Variants in RYR2 observed in about 807,000 individuals in gnomAD.
RYR2 encodes ryanodine receptor 2.
Under a neutral mutation model 601.1 loss-of-function variants are expected in RYR2, and 227 were observed. That is an observed-to-expected ratio of 0.38 (90% CI 0.34 to 0.42). RYR2 has a LOEUF of 0.42. Among genes scored for constraint, RYR2 ranks in the 10% least tolerant of loss-of-function variants. RYR2 has a pLI of 1.00. For synonymous variants in RYR2, 2,223 were observed against 2,175.1 expected, an observed-to-expected ratio of 1.02 and a Z score of -0.61; for missense variants, 4,646 against 6,156.5, an observed-to-expected ratio of 0.75 and a Z score of 8.21.
chr1:237,135,927 C>T (rs1436135437), intron 1 of RYR2, among the ~76,000 whole-genome samples: 1 of 152,220 alleles, frequency 6.6e-6, no homozygotes, highest in Non-Finnish European at 1.5e-5. Flanking sequence ...CTCTGCTTGG[C>T]CATGGGGCCC....
At chr1:237,671,508 T>TGTGTGTGTGTGC (rs1684930589) in intron 58 of RYR2, among the ~76,000 whole-genome samples, 1 of 150,858 alleles carries the variant, frequency 6.6e-6, no homozygotes, top group Non-Finnish European at 1.5e-5. Context: ...CCTGGGTGTG[T>TGTGTGTGTGTGC]GTGTGTGTGT....
In RYR2 at chr1:237,369,560, A is replaced by G. The variant is rs536426427; in HGVS notation, c.336A>G (p.Thr112=). The change falls in exon 6 of 105, where the codon ACA becomes ACG. Residue 112 remains threonine, a synonymous_variant. Transcript: ENST00000366574. ...MKTAQGGGHR[T]LLYGHAILLR... ...CTGCTCAAGGTGGTGGTCATCGAAC[A>G]CTCCTCTACGGACATGCCATATTGC... 10 of 1,563,940 alleles carry G rather than the reference A, an allele frequency of 6.4e-6. No homozygotes were observed. Among genetic ancestry groups the G allele is most frequent in the East Asian group, 2.3e-5 (1 of 42,602 alleles).
chr1:237,464,975 A>G (rs896358569), intron 16 of RYR2, among the ~76,000 whole-genome samples: 6 of 152,138 alleles, frequency 3.9e-5, no homozygotes, highest in African/African-American at 1.2e-4. Flanking sequence ...ATTACTTTAG[A>G]AACTCACATA....
rs998118325 is a variant in RYR2 at position 237,331,563 on chromosome 1, C to T, written c.273+581C>T. On this transcript the variant is annotated intron_variant, in intron 3 of 104. Transcript: ENST00000366574. ...TGTCACCCAGGCTGGAGTGCAGTGGCGCGATCTCAGCTCACTGCAAGCTCT... is the reference window on the plus strand; with the variant it reads ...TGTCACCCAGGCTGGAGTGCAGTGGTGCGATCTCAGCTCACTGCAAGCTCT... Among the ~76,000 whole-genome samples, 19 of 151,976 alleles carry T rather than the reference C, an allele frequency of 1.3e-4. 1 individual carries two copies. In the East Asian group the frequency reaches 1.7e-3, roughly 14 times the overall value.
At chr1:237,801,541 C>CGAA (rs747389136) in intron 97 of RYR2, among the ~76,000 whole-genome samples, 1 of 106,396 alleles carries the variant, frequency 9.4e-6, no homozygotes, top group African/African-American at 3.5e-5. Context: ...AACTCTGTCT[C>CGAA]AAAAAAAAAA....
chr1:237,792,626 G>C (rs1658595064), intron 94 of RYR2, among the ~76,000 whole-genome samples: 1 of 152,120 alleles, frequency 6.6e-6, no homozygotes, highest in African/African-American at 2.4e-5. Flanking sequence ...TCCTGGCCTG[G>C]GGCATTGGAG....
intron 80 of RYR2, among the ~76,000 whole-genome samples, chr1:237,746,646 T>C (rs1203826734): frequency 6.6e-6 from 1 of 152,162 alleles, no homozygotes; most frequent in Admixed American, 6.5e-5. Context: ...TGCTTTCCTG[T>C]AACTACTTAT....
At chr1:237,530,736 C>T (rs375997105) in intron 25 of RYR2, among the ~76,000 whole-genome samples, 1 of 151,976 alleles carries the variant, frequency 6.6e-6, no homozygotes, top group African/African-American at 2.4e-5. Flanking sequence ...ATGGTGAAAC[C>T]CTGTCTCCAT....
In RYR2 at chr1:237,744,767, G is replaced by A. The variant is rs185462161; in HGVS notation, c.11145+2418G>A. ...TTGCTGCCAAAATGAATTTTAGACT[G>A]TCTTGAAGAAACTATTTTAAAATTC... On this transcript the variant is annotated intron_variant, in intron 80 of 104. Transcript: ENST00000366574. Among the ~76,000 whole-genome samples, 69 of 145,730 alleles carry A rather than the reference G, an allele frequency of 4.7e-4. 1 individual carries two copies. The highest frequency in any genetic ancestry group is 7.2e-3 in the Middle Eastern group (2 of 276).
chr1:237,386,175 C>G (rs1701941258), intron 8 of RYR2, among the ~76,000 whole-genome samples: 1 of 152,142 alleles, frequency 6.6e-6, no homozygotes, highest in Non-Finnish European at 1.5e-5. Flanking sequence ...AACTGGTAAA[C>G]TTTCAATCTT....
In RYR2 at chr1:237,600,516, A is replaced by G. The variant is rs374994979; in HGVS notation, c.4597-1509A>G. Among the ~76,000 whole-genome samples the G allele has an allele frequency of 1.1e-4, 16 of 152,324 alleles. No homozygotes were observed. In the East Asian group the frequency reaches 1.9e-3, roughly 18 times the overall value. On this transcript the variant is annotated intron_variant, in intron 34 of 104. Transcript: ENST00000366574. Reference sequence around the variant, plus strand: ...AAAGTACTGGAAGAAAACATGGGGGAAACACTTCATGACATTGGACTGGGT... The same window carrying G: ...AAAGTACTGGAAGAAAACATGGGGGGAACACTTCATGACATTGGACTGGGT...
chr1:237,708,955 G>A lies in RYR2; in HGVS notation c.9999G>A (p.Val3333=). 1 of 1,613,586 alleles carries A rather than the reference G, an allele frequency of 6.2e-7. No individual in the cohort carries two copies. The highest frequency in any genetic ancestry group is 8.5e-7 in the Non-Finnish European group (1 of 1,179,680). Residue 3333 remains valine, a synonymous_variant, in exon 69 of 105, where the codon GTG becomes GTA. Transcript: ENST00000366574. ...MEKLKKKAAT[V]VSEEDHLKAE... ...AACTCAAGAAAAAGGCAGCTACGGT[G>A]GTGTCTGAGGAAGACCACCTGAAAG... is the stretch of plus-strand genomic sequence containing the variant.
intron 101 of RYR2, 75 bp from the exon 102 acceptor site, chr1:237,828,306 C>T: frequency 2.8e-6 from 3 of 1,056,828 alleles, no homozygotes; most frequent in African/African-American, 1.6e-5. Context: ...CTCCCCTTTC[C>T]CTGGGGGGAT....
At chr1:237,509,665 T>A (rs990574665) in intron 23 of RYR2, among the ~76,000 whole-genome samples, 1 of 152,228 alleles carries the variant, frequency 6.6e-6, no homozygotes, top group Non-Finnish European at 1.5e-5. Flanking sequence ...ACTTTTAAGG[T>A]ATTATGTTTG....
chr1:237,387,133 G>GT, intron 8 of RYR2, 148 bp from the exon 9 acceptor site: 1 of 702,420 alleles, frequency 1.4e-6, no homozygotes, highest in Middle Eastern at 3.0e-4. Flanking sequence ...CTTCTGACTA[G>GT]TTTTTTGATT....
intron 27 of RYR2, 64 bp downstream of exon 27, chr1:237,550,755 A>T (rs897929912): frequency 6.8e-7 from 1 of 1,468,510 alleles, no homozygotes; most frequent in Admixed American, 2.4e-5. Flanking sequence ...TTAAAGCCAA[A>T]TAAATGAATA....
chr1:237,782,251 C>T (rs954997391), intron 89 of RYR2, among the ~76,000 whole-genome samples: 1 of 150,362 alleles, frequency 6.7e-6, no homozygotes, highest in Non-Finnish European at 1.5e-5. Flanking sequence ...AAATCCACCG[C>T]CAGAGTTTAA....
chr1:237,740,820 ATAT>A (rs1185444946), intron 79 of RYR2, among the ~76,000 whole-genome samples: 1 of 152,112 alleles, frequency 6.6e-6, no homozygotes, highest in Non-Finnish European at 1.5e-5. Context: ...ATAATGGGAG[ATAT>A]TAGAATAGGT....
At chr1:237,138,168 A>C (rs1672987692) in intron 1 of RYR2, among the ~76,000 whole-genome samples, 1 of 152,152 alleles carries the variant, frequency 6.6e-6, no homozygotes, top group African/African-American at 2.4e-5. Flanking sequence ...AGTAGCTGGA[A>C]TTGCAGGCGT....
Sources: gnomAD v4.1 joint callset for allele counts (sites outside exome capture counted in the v4.1 genomes callset) on GRCh38, gnomAD v4.1.1 for gene constraint, MANE v1.5 for transcripts, NCBI Gene and HGNC (gene_info 2026-07-23, HGNC 2026-07-21) for gene names.